SATB2: variants seen among roughly 807,000 people sequenced by gnomAD.
SATB2 encodes DNA-binding protein SATB2.
A neutral mutation model predicts 73.4 loss-of-function variants in SATB2; 1 was observed. That is an observed-to-expected ratio of 0.01 (90% CI 0.00 to 0.06). The LOEUF is 0.06. SATB2 is among the 10% of genes least tolerant of loss of function. SATB2 has a pLI of 1.00. For missense variants in SATB2, 459 were observed against 945.8 expected, an observed-to-expected ratio of 0.49 and a Z score of 6.75; for synonymous variants, 397 against 367.0, an observed-to-expected ratio of 1.08 and a Z score of -0.93.
chr2:199,339,202 T>C (rs1688431836), intron 7 of SATB2, among the ~76,000 whole-genome samples: 1 of 152,066 alleles, frequency 6.6e-6, no homozygotes, highest in African/African-American at 2.4e-5. Context: ...TGTGGCTGAG[T>C]GCCTGAAAAA....
chr2:199,336,300 T>A (rs1476863855), intron 7 of SATB2, among the ~76,000 whole-genome samples: 1 of 152,130 alleles, frequency 6.6e-6, no homozygotes, highest in East Asian at 1.9e-4. Flanking sequence ...ACATACATGG[T>A]TTCTACTCAC....
At chr2:199,421,945 T>C (rs1691184270) in intron 3 of SATB2, among the ~76,000 whole-genome samples, 1 of 152,224 alleles carries the variant, frequency 6.6e-6, no homozygotes, top group Non-Finnish European at 1.5e-5. Context: ...ATTACTCTGA[T>C]TGCCCAGCAT....
chr2:199,412,927 G>T (rs1690866339), intron 3 of SATB2, among the ~76,000 whole-genome samples: 1 of 152,162 alleles, frequency 6.6e-6, no homozygotes, highest in African/African-American at 2.4e-5. Context: ...AATCCTGTTA[G>T]AGCAGGGGCT....
chr2:199,453,035 T>G (rs555980312), intron 2 of SATB2, among the ~76,000 whole-genome samples: 39 of 152,230 alleles, frequency 2.6e-4, no homozygotes, highest in African/African-American at 8.2e-4. Flanking sequence ...CTATTTAAAT[T>G]GAGACACTAA....
chr2:199,376,243 G>A (rs996591100), intron 5 of SATB2, among the ~76,000 whole-genome samples: 27 of 152,166 alleles, frequency 1.8e-4, no homozygotes, highest in East Asian at 3.9e-4. Flanking sequence ...CTGTTTAACC[G>A]AAATGTGCTG....
At chr2:199,416,167 T>C (rs1056277466) in intron 3 of SATB2, among the ~76,000 whole-genome samples, 1 of 152,186 alleles carries the variant, frequency 6.6e-6, no homozygotes, top group African/African-American at 2.4e-5. Context: ...ACAGGTGTGG[T>C]TCTATTATAC....
Position 199,348,755 on chromosome 2 carries a change from C to T in SATB2, c.1119G>A (p.Lys373=). The change falls in exon 7 of 11, where the codon AAG becomes AAA. Residue 373 remains lysine (K), a synonymous_variant. Coordinates refer to ENST00000417098, the MANE Select transcript of SATB2 (RefSeq NM_001172509.2). ...AGACAGCTTGGGACACACTGGCCCT[C>T]TTCAGCTCATCTCTGACTTGCTGGT... ...DIYQQVRDEL[K]RASVSQAVFA... 6.3e-7 allele frequency: 1 copy of T among 1,596,312 alleles called. No individual in the cohort carries two copies. The highest frequency in any genetic ancestry group is 8.5e-7 in the Non-Finnish European group (1 of 1,169,866).
intron 7 of SATB2, among the ~76,000 whole-genome samples, chr2:199,340,563 C>T (rs748495158): frequency 6.6e-6 from 1 of 152,130 alleles, no homozygotes; most frequent in Non-Finnish European, 1.5e-5. Context: ...GAGCCTGAAA[C>T]TTTCTTAATT....
chr2:199,348,682 T>C lies in SATB2; in HGVS notation c.1173+19A>G, dbSNP rs1277876881. On this transcript the variant is annotated intron_variant, in intron 7 of 10. Coordinates refer to ENST00000417098, the MANE Select transcript of SATB2 (RefSeq NM_001172509.2). Reference sequence around the variant, plus strand: ...TCCCCAGTATTACTGTTAATTACAGTGTTTAATGCTAATTGTACCTGTGTG... The same window carrying C: ...TCCCCAGTATTACTGTTAATTACAGCGTTTAATGCTAATTGTACCTGTGTG... 2 of 1,523,928 alleles carry C rather than the reference T, an allele frequency of 1.3e-6. No individual in the cohort carries two copies. Among genetic ancestry groups the C allele is most frequent in the South Asian group, 1.2e-5 (1 of 80,116 alleles). 94.4% of individuals were successfully genotyped at this position (1,523,928 alleles called of 1,614,324 possible). A position where few individuals can be genotyped will look rare whatever the true frequency, so the allele number is the denominator to read the frequency against.
At chr2:199,332,640 T>C (rs540241492) in intron 7 of SATB2, among the ~76,000 whole-genome samples, 8 of 152,292 alleles carry the variant, frequency 5.3e-5, no homozygotes, top group Non-Finnish European at 1.2e-4. Flanking sequence ...TATTTTAAAA[T>C]ATTTCTTTAT....
intron 10 of SATB2, among the ~76,000 whole-genome samples, chr2:199,279,817 A>T (rs1023123992): frequency 2.6e-5 from 4 of 152,236 alleles, no homozygotes; most frequent in African/African-American, 9.6e-5. Context: ...CCAAAAAAGG[A>T]AAGCATTATC....
chr2:199,284,259 G>A (rs1692618919), intron 10 of SATB2, among the ~76,000 whole-genome samples: 1 of 152,020 alleles, frequency 6.6e-6, no homozygotes, highest in Admixed American at 6.6e-5. Flanking sequence ...CATTTGTAAG[G>A]GCTGCATAAC....
chr2:199,465,685 T>C (rs1204687041), upstream of SATB2, among the ~76,000 whole-genome samples: 1 of 152,236 alleles, frequency 6.6e-6, no homozygotes, highest in African/African-American at 2.4e-5. Context: ...ATAAAGGCAA[T>C]CTAAGAATGT....
chr2:199,464,288 C>T lies in SATB2; in HGVS notation c.-141+548G>A, dbSNP rs1214569794. On this transcript the variant is annotated intron_variant, in intron 1 of 11. Coordinates refer to the SATB2 transcript ENST00000260926. This position sits in a 1 kb window ranked among gnomAD's most constrained non-coding sequence, Gnocchi z 6.6. ...TACAGCCAAGCCCAGAGGAACAGGG[C>T]ATCGCCTCGCGCGGTCCCGGAGCCA... 6.6e-6 allele frequency among the ~76,000 whole-genome samples: 1 copy of T among 152,150 alleles called. No individual in the cohort carries two copies. The highest frequency in any genetic ancestry group is 1.9e-4 in the East Asian group (1 of 5,160).
At position 199,405,582 on chromosome 2, in the gene SATB2, T is replaced by C. The variant is rs191643186; in HGVS notation, c.347-23762A>G. ...TGATGGGTGGAGAAAAGGAGCTGCA[T>C]TTTTTGGGAGGGTGTATGGGGAGTA... On this transcript the variant is annotated intron_variant, in intron 3 of 10. Coordinates refer to ENST00000417098, the MANE Select transcript of SATB2 (RefSeq NM_001172509.2). 3.3e-5 allele frequency among the ~76,000 whole-genome samples: 5 copies of C among 152,260 alleles called. No individual in the cohort carries two copies. The East Asian group carries it at 9.7e-4, about 29-fold the overall frequency.
chr2:199,312,408 T>C (rs1687620486), intron 9 of SATB2, among the ~76,000 whole-genome samples: 2 of 152,166 alleles, frequency 1.3e-5, no homozygotes, highest in South Asian at 4.1e-4. Context: ...CCATTTAGCT[T>C]TTACAGTCTG....
intron 7 of SATB2, among the ~76,000 whole-genome samples, chr2:199,346,714 T>G (rs1485115177): frequency 6.6e-6 from 1 of 152,192 alleles, no homozygotes; most frequent in Non-Finnish European, 1.5e-5. Context: ...AGACCCTCTT[T>G]AACAATGAAC....
Position 199,349,269 on chromosome 2 carries a change from TA to T in SATB2, c.701-97del, listed in dbSNP as rs1400947527. 27 of 966,030 alleles carry T rather than the reference TA, an allele frequency of 2.8e-5. No individual in the cohort carries two copies. The African/African-American group carries it at 4.4e-4, about 16-fold the overall frequency. The allele number at this position is 966,030 out of a possible 1,614,324, so 59.8% of individuals were successfully genotyped here. On this transcript the variant is annotated intron_variant, in intron 6 of 10. Coordinates refer to ENST00000417098, the MANE Select transcript of SATB2 (RefSeq NM_001172509.2). ...CTGAATTATCATACTTTTGGCATGT[TA>T]ATAATATAAACATTTTTTCATACAA...
At chr2:199,438,742 G>A (rs1490945882) in intron 2 of SATB2, among the ~76,000 whole-genome samples, 2 of 152,206 alleles carry the variant, frequency 1.3e-5, no homozygotes, top group Non-Finnish European at 2.9e-5. Context: ...ATAAACCCCT[G>A]CTTTGCACTG....
Sources: allele counts gnomAD v4.1 joint callset (sites outside exome capture counted in the v4.1 genomes callset), GRCh38; gene constraint gnomAD v4.1.1; non-coding constraint Gnocchi (gnomAD v3.1); transcripts MANE v1.5; gene names NCBI Gene and HGNC (gene_info 2026-07-23, HGNC 2026-07-21).